Variants in PTPRT observed in about 807,000 individuals in gnomAD.
PTPRT encodes protein tyrosine phosphatase receptor type T, also known as receptor-type tyrosine-protein phosphatase T.
PTPRT carries 56 observed loss-of-function variants against 176.8 expected under a neutral mutation model. The observed-to-expected ratio is 0.32, with a 90% CI of 0.26 to 0.40. The LOEUF (loss-of-function observed/expected upper bound fraction) is 0.40. Ranked by LOEUF, PTPRT falls within the 10% of genes least tolerant of loss-of-function variation. The pLI is 1.00. For missense variants in PTPRT, 1,540 were observed against 1,908.2 expected, an observed-to-expected ratio of 0.81 and a Z score of 3.60; for synonymous variants, 783 against 739.0, an observed-to-expected ratio of 1.06 and a Z score of -0.96.
intron 11 of PTPRT, among the ~76,000 whole-genome samples, chr20:42,349,554 G>A (rs2058246357): frequency 6.6e-6 from 1 of 152,154 alleles, no homozygotes; most frequent in Admixed American, 6.5e-5. Flanking sequence ...TCACTGCTGT[G>A]TTTCCAAGCA....
chr20:42,808,474 G>A (rs1433305733), intron 2 of PTPRT, among the ~76,000 whole-genome samples: 1 of 152,122 alleles, frequency 6.6e-6, no homozygotes, highest in African/African-American at 2.4e-5. Context: ...ACAGCACAGA[G>A]GCATTTGGTG....
chr20:42,220,143 C>T (rs1400626366), intron 15 of PTPRT, among the ~76,000 whole-genome samples: 1 of 151,772 alleles, frequency 6.6e-6, no homozygotes, highest in Non-Finnish European at 1.5e-5. Context: ...TTTACAGTAG[C>T]ACCCAAAAAA....
intron 7 of PTPRT, among the ~76,000 whole-genome samples, chr20:42,502,405 AAC>A (rs11467404): frequency 0.15 from 21,078 of 137,064 alleles, 1,401 homozygotes; most frequent in Middle Eastern, 0.19. Flanking sequence ...TATGTATACA[AAC>A]ACACACACAC....
At chr20:42,723,298 A>G (rs2076329928) in intron 6 of PTPRT, among the ~76,000 whole-genome samples, 1 of 152,164 alleles carries the variant, frequency 6.6e-6, no homozygotes, top group Admixed American at 6.5e-5. Flanking sequence ...CACACCAAGA[A>G]CACACAGAAA....
intron 1 of PTPRT, among the ~76,000 whole-genome samples, chr20:43,004,228 C>G (rs944704578): frequency 4.7e-5 from 7 of 148,390 alleles, no homozygotes; most frequent in African/African-American, 1.7e-4. Context: ...GGATTATTAT[C>G]TACAATGTAC....
At chr20:42,770,204 C>A (rs559987081) in intron 5 of PTPRT, among the ~76,000 whole-genome samples, 2 of 152,262 alleles carry the variant, frequency 1.3e-5, no homozygotes, top group Admixed American at 1.3e-4. Context: ...TTCACTGCAA[C>A]CTCCGCCTCC....
chr20:42,276,945 C>T (rs2057050065), intron 13 of PTPRT, among the ~76,000 whole-genome samples: 1 of 152,030 alleles, frequency 6.6e-6, no homozygotes. Context: ...CTGCTGGTCC[C>T]TGCAGGAGTG....
chr20:42,650,061 G>A (rs2075001781), intron 7 of PTPRT, among the ~76,000 whole-genome samples: 1 of 152,174 alleles, frequency 6.6e-6, no homozygotes, highest in Admixed American at 6.5e-5. Context: ...AGCTGCAAGA[G>A]GGGCATAGTC....
At chr20:42,303,338 G>A (rs967881473) in intron 12 of PTPRT, among the ~76,000 whole-genome samples, 8 of 152,188 alleles carry the variant, frequency 5.3e-5, no homozygotes, top group Non-Finnish European at 1.0e-4. Flanking sequence ...AGGGCCAGCA[G>A]GTGTTTCAAG....
intron 1 of PTPRT, among the ~76,000 whole-genome samples, chr20:42,921,549 C>T (rs1281476328): frequency 6.6e-6 from 1 of 152,220 alleles, no homozygotes; most frequent in African/African-American, 2.4e-5. Flanking sequence ...TGCACCACTG[C>T]ACTTCAGTCT....
chr20:42,634,032 T>TAATATAATAA lies in PTPRT; in HGVS notation c.1153+43833_1153+43834insTTATTATATT, dbSNP rs1555890282. Among the ~76,000 whole-genome samples, 138 of 27,472 alleles carry TAATATAATAA rather than the reference T, an allele frequency of 5.0e-3. 10 individuals carry two copies. The highest frequency in any genetic ancestry group is 0.024 in the African/African-American group (135 of 5,536). 18.0% of individuals were successfully genotyped at this position (27,472 alleles called of 152,430 possible). A position where few individuals can be genotyped will look rare whatever the true frequency, so the allele number is the denominator to read the frequency against. ...ATATAATATATATATAATATATATA[T>TAATATAATAA]TATATATATTATATATATATTATAA... is the stretch of plus-strand genomic sequence containing the variant. On this transcript the variant is annotated intron_variant, in intron 7 of 30. Transcript: ENST00000373187.
intron 7 of PTPRT, among the ~76,000 whole-genome samples, chr20:42,651,779 G>A (rs1290875890): frequency 6.6e-6 from 1 of 152,154 alleles, no homozygotes; most frequent in Admixed American, 6.6e-5. Flanking sequence ...AGGCACAGTG[G>A]CTCATGCCTA....
At chr20:43,048,843 G>A (rs1483777212) in intron 1 of PTPRT, among the ~76,000 whole-genome samples, 1 of 152,080 alleles carries the variant, frequency 6.6e-6, no homozygotes, top group Non-Finnish European at 1.5e-5. Context: ...GGGGAGAGAG[G>A]TGGCTGACCA....
intron 1 of PTPRT, among the ~76,000 whole-genome samples, chr20:43,157,514 T>A (rs779824917): frequency 7.2e-5 from 11 of 152,056 alleles, no homozygotes; most frequent in Admixed American, 2.0e-4. Flanking sequence ...CCATAGCTGA[T>A]TATGGTGGGA....
chr20:42,779,806 A>C (rs1325096897), intron 4 of PTPRT, among the ~76,000 whole-genome samples: 1 of 151,608 alleles, frequency 6.6e-6, no homozygotes, highest in East Asian at 1.9e-4. Flanking sequence ...TTTCCCTGTG[A>C]GGGAACAGTG....
At chr20:42,037,129 A>G in the PTPRT span, among the ~76,000 whole-genome samples, 10 of 152,198 alleles carry the variant, frequency 6.6e-5, no homozygotes, top group African/African-American at 2.4e-4. Context: ...GTTACTACTT[A>G]CAAATGGACT....
chr20:42,300,021 G>T (rs1203261479), intron 12 of PTPRT, among the ~76,000 whole-genome samples: 1 of 151,662 alleles, frequency 6.6e-6, no homozygotes, highest in African/African-American at 2.4e-5. Context: ...ACTTTGGGAG[G>T]CTGAGGCAGG....
chr20:42,086,168 A>C (rs1489881306), intron 27 of PTPRT, among the ~76,000 whole-genome samples: 18 of 151,910 alleles, frequency 1.2e-4, no homozygotes, highest in Admixed American at 6.6e-5. Flanking sequence ...TGAACTCCTG[A>C]CCTCGGGTGA....
At chr20:43,164,585 G>GA (rs1200447651) in intron 1 of PTPRT, among the ~76,000 whole-genome samples, 4 of 152,036 alleles carry the variant, frequency 2.6e-5, no homozygotes, top group African/African-American at 4.8e-5. Flanking sequence ...TACGAGAAGA[G>GA]AAAAAAAGGC....
Sources: allele counts gnomAD v4.1 joint callset (sites outside exome capture counted in the v4.1 genomes callset), GRCh38; gene constraint gnomAD v4.1.1; transcripts MANE v1.5; gene names NCBI Gene and HGNC (gene_info 2026-07-23, HGNC 2026-07-21).